Variants in ECHDC1 observed in about 807,000 individuals in gnomAD.
The protein encoded by ECHDC1 is ethylmalonyl-CoA decarboxylase 1, also known as ethylmalonyl-CoA decarboxylase.
A neutral mutation model predicts 29.7 loss-of-function variants in ECHDC1; 29 were observed. The observed-to-expected ratio is 0.98, with a 90% confidence interval of 0.73 to 1.33. ECHDC1 has a LOEUF of 1.33. ECHDC1 is among the 40% of genes most tolerant of loss of function. The pLI is 0.00. For synonymous variants in ECHDC1, 126 were observed against 123.1 expected (o/e 1.02, Z -0.15); for missense variants, 328 against 350.0 (o/e 0.94, Z 0.50).
Position 127,290,045 on chromosome 6 carries a change from T to G in ECHDC1, c.730A>C (p.Lys244Gln), listed in dbSNP as rs1490337784. ...TCCGGTGGCCCTTGGATGAATTGCT[T>G]TAGCCATTCTTGTGCCTCTTCTAGA... ...KSLEEAQEWL[K>Q]QFIQGPPEVI... The change falls in exon 6 of 6, where the codon AAG (lysine) becomes CAG (glutamine). Residue 244 changes from lysine (K) to glutamine (Q), a missense_variant. Lys to Gln is a moderately conservative substitution (Grantham distance 53). Transcript: ENST00000454859. 5 of 1,613,722 alleles carry G rather than the reference T, an allele frequency of 3.1e-6. No individual in the cohort carries two copies. Among genetic ancestry groups the G allele is most frequent in the Non-Finnish European group, 4.2e-6 (5 of 1,179,752 alleles).
Position 127,289,604 on chromosome 6 carries a change from G to A in ECHDC1, c.*265C>T, listed in dbSNP as rs1348847867. On this transcript the variant is annotated 3_prime_UTR_variant, in exon 6 of 6. Coordinates refer to ENST00000454859, the MANE Select transcript of ECHDC1 (RefSeq NM_001002030.2). ...ACACTGCTCTTTGGTTATAAGCTAA[G>A]AATTATTATTGGAATTGACAGCAAT... 1 of 357,730 alleles carries A rather than the reference G, an allele frequency of 2.8e-6. No individual in the cohort carries two copies. Among genetic ancestry groups the A allele is most frequent in the Non-Finnish European group, 5.0e-6 (1 of 198,792 alleles). 22.2% of individuals were successfully genotyped at this position (357,730 alleles called of 1,614,324 possible).
intron 5 of ECHDC1, among the ~76,000 whole-genome samples, chr6:127,298,514 A>C (rs1780794477): frequency 6.6e-6 from 1 of 152,192 alleles, no homozygotes; most frequent in Non-Finnish European, 1.5e-5. Context: ...TTGATCTTGA[A>C]ACCAAGCTAA....
At chr6:127,318,769 G>A (rs936490822) in intron 3 of ECHDC1, among the ~76,000 whole-genome samples, 3 of 152,150 alleles carry the variant, frequency 2.0e-5, no homozygotes, top group African/African-American at 7.2e-5. Flanking sequence ...AAAATTAGAT[G>A]AATTTTAGAT....
intron 3 of ECHDC1, among the ~76,000 whole-genome samples, chr6:127,319,677 C>A (rs1489406464): frequency 6.6e-6 from 1 of 152,154 alleles, no homozygotes; most frequent in Non-Finnish European, 1.5e-5. Context: ...CAGTAAAAAG[C>A]TAGACCTGCT....
At chr6:127,329,886 G>C (rs543746268) in intron 2 of ECHDC1, 4 of 455,180 alleles carry the variant, frequency 8.8e-6, no homozygotes, top group East Asian at 7.0e-5. Context: ...CTGAATTCTG[G>C]TAAGTGGAGA....
At chr6:127,323,362 C>A (rs988581357) in intron 3 of ECHDC1, among the ~76,000 whole-genome samples, 1 of 152,066 alleles carries the variant, frequency 6.6e-6, no homozygotes, top group African/African-American at 2.4e-5. Context: ...AGTGCTATAA[C>A]CGTTCAGATA....
rs765794898 is a variant in ECHDC1, at chr6:127,289,983, G to T, written c.792C>A (p.Gly264=). The T allele has an allele frequency of 1.9e-6, 3 of 1,613,450 alleles. No homozygotes were observed. The Admixed American group carries it at 5.0e-5, about 27-fold the overall frequency. ...IRALKKSVCS[G]RELYLEEALQ... ...ATGCTTCCTCCAAATATAGCTCTCT[G>T]CCTGAACAAACAGATTTTTTCAAAG... is the stretch of plus-strand genomic sequence containing the variant. The change falls in exon 6 of 6, where the codon GGC becomes GGA. Residue 264 remains glycine (G), a synonymous_variant. Transcript: ENST00000454859.
chr6:127,309,580 G>T (rs1781730508), intron 5 of ECHDC1, among the ~76,000 whole-genome samples: 1 of 150,604 alleles, frequency 6.6e-6, no homozygotes, highest in Non-Finnish European at 1.5e-5. Flanking sequence ...TCAAACTCTG[G>T]AACCACTACC....
At chr6:127,304,278 G>A (rs897988111) in intron 5 of ECHDC1, among the ~76,000 whole-genome samples, 7 of 152,126 alleles carry the variant, frequency 4.6e-5, no homozygotes, top group Admixed American at 2.0e-4. Context: ...GAATTCTTCC[G>A]GATCTTCTCC....
chr6:127,293,006 G>A (rs1480972289), intron 5 of ECHDC1, among the ~76,000 whole-genome samples: 1 of 152,096 alleles, frequency 6.6e-6, no homozygotes, highest in Non-Finnish European at 1.5e-5. Context: ...AAGGAGATGA[G>A]ATTAATCAAA....
chr6:127,313,598 CA>C (rs1562317653), intron 5 of ECHDC1: 2 of 455,732 alleles, frequency 4.4e-6, no homozygotes, highest in African/African-American at 2.0e-5. Context: ...GAAACTGAGA[CA>C]AAAAGTTTAC....
intron 3 of ECHDC1, among the ~76,000 whole-genome samples, chr6:127,321,495 G>A (rs553319299): frequency 6.6e-5 from 10 of 151,966 alleles, no homozygotes; most frequent in Non-Finnish European, 1.5e-4. Context: ...TGGAAATATC[G>A]GGAACTTTAC....
At chr6:127,330,737 C>T in intron 2 of ECHDC1, 72 bp downstream of exon 2, 1 of 1,321,124 alleles carries the variant, frequency 7.6e-7, no homozygotes, top group Middle Eastern at 2.4e-4. Flanking sequence ...GTCACCACAG[C>T]AAGGATAAAA....
In ECHDC1 at chr6:127,330,926, C is replaced by T. The variant is rs771798186; in HGVS notation, c.103G>A (p.Glu35Lys). 6.2e-7 allele frequency: 1 copy of T among 1,614,066 alleles called. No homozygotes were observed. The highest frequency in any genetic ancestry group is 8.5e-7 in the Non-Finnish European group (1 of 1,180,002). The change falls in exon 2 of 6, where the codon GAA becomes AAA. Residue 35 changes from glutamate (E) to lysine (K), a missense_variant. By Grantham distance (56) the Glu-to-Lys change is moderately conservative. Coordinates refer to ENST00000454859, the MANE Select transcript of ECHDC1 (RefSeq NM_001002030.2). ...LYSTSHGFYEEEVKKTLQQFP... is the reference protein window; with the variant it reads ...LYSTSHGFYEKEVKKTLQQFP... ...TGCTGAAGTGTTTTTTTCACTTCTT[C>T]CTCATAAAATCCATGGGATGTACTA...
intron 3 of ECHDC1, chr6:127,326,505 A>G (rs772246615): frequency 4.4e-6 from 2 of 456,132 alleles, no homozygotes; most frequent in South Asian, 1.6e-5. Context: ...CCATAGGAAT[A>G]TAAGATGTTA....
At chr6:127,297,139 C>T (rs1038955496) in intron 5 of ECHDC1, among the ~76,000 whole-genome samples, 1 of 152,102 alleles carries the variant, frequency 6.6e-6, no homozygotes, top group African/African-American at 2.4e-5. Flanking sequence ...GTGAAACAGA[C>T]TAGAGGGAAT....
intron 1 of ECHDC1, among the ~76,000 whole-genome samples, chr6:127,338,127 A>G (rs1210795572): frequency 6.6e-6 from 1 of 152,226 alleles, no homozygotes; most frequent in African/African-American, 2.4e-5. Flanking sequence ...TGGCCAAGAA[A>G]TGGGATCCAA....
intron 2 of ECHDC1, chr6:127,329,715 T>C (rs189363900): frequency 3.6e-5 from 10 of 274,358 alleles, no homozygotes; most frequent in Admixed American, 2.5e-4. Context: ...GAAAAAAATA[T>C]TTTGGATATA....
intron 5 of ECHDC1, among the ~76,000 whole-genome samples, chr6:127,303,973 A>ATT (rs1781255851): frequency 6.6e-6 from 1 of 152,080 alleles, no homozygotes; most frequent in Non-Finnish European, 1.5e-5. Flanking sequence ...GGAAATCACC[A>ATT]CCCTGCAGGG....
Sources: allele counts gnomAD v4.1 joint callset (sites outside exome capture counted in the v4.1 genomes callset), GRCh38; gene constraint gnomAD v4.1.1; transcripts MANE v1.5; gene names NCBI Gene and HGNC (gene_info 2026-07-23, HGNC 2026-07-21).